Variants in EPHA6 observed in about 807,000 individuals in gnomAD.
EPHA6 encodes ephrin type-A receptor 6.
EPHA6 carries 50 observed loss-of-function variants against 112.0 expected under a neutral mutation model. The observed-to-expected ratio is 0.45, with a 90% confidence interval of 0.36 to 0.56. EPHA6 has a LOEUF of 0.56. EPHA6 is among the 20% of genes least tolerant of loss of function. The pLI is 0.00. For missense variants in EPHA6, 1,280 were observed against 1,417.4 expected (o/e 0.90, Z 1.56); for synonymous variants, 529 against 490.7 (o/e 1.08, Z -1.03).
intron 6 of EPHA6, among the ~76,000 whole-genome samples, chr3:97,425,590 G>T (rs2089048756): frequency 6.6e-6 from 1 of 152,214 alleles, no homozygotes; most frequent in African/African-American, 2.4e-5. Context: ...CTGGGCCTGT[G>T]ATGAGAGGGA....
intron 1 of EPHA6, among the ~76,000 whole-genome samples, chr3:96,828,937 A>C (rs557986127): frequency 6.6e-6 from 1 of 152,288 alleles, no homozygotes; most frequent in African/African-American, 2.4e-5. Context: ...ATACTTGCAG[A>C]TCTAGAGATA....
intron 3 of EPHA6, among the ~76,000 whole-genome samples, chr3:96,999,019 A>G (rs1388634592): frequency 1.3e-5 from 2 of 151,852 alleles, no homozygotes; most frequent in Non-Finnish European, 2.9e-5. Context: ...ACTTTGTTAC[A>G]TAATTCTCTT....
In EPHA6 at chr3:97,429,266, GA is replaced by G. The variant is rs772106553; in HGVS notation, c.1732-19298del. Among the ~76,000 whole-genome samples, 156 of 152,092 alleles carry G rather than the reference GA, an allele frequency of 1.0e-3. 1 individual carries two copies. Among genetic ancestry groups the G allele is most frequent in the Non-Finnish European group, 1.7e-3 (113 of 68,008 alleles). On this transcript the variant is annotated intron_variant, in intron 6 of 17. Transcript: ENST00000389672. ...TAGTTCATCCATACTTTTATAGTAG[GA>G]AAATATCATTTTTAAATTATGCATG...
chr3:96,969,593 T>A (rs1474355480), intron 2 of EPHA6, among the ~76,000 whole-genome samples: 1 of 151,992 alleles, frequency 6.6e-6, no homozygotes, highest in Non-Finnish European at 1.5e-5. Context: ...ATAAGGTATG[T>A]ACAGAATCAT....
intron 2 of EPHA6, among the ~76,000 whole-genome samples, chr3:96,955,283 G>A (rs2041713438): frequency 6.6e-6 from 1 of 152,006 alleles, no homozygotes; most frequent in African/African-American, 2.4e-5. Context: ...TACATTAATG[G>A]TGTTTTTTGT....
rs1414129538 is a variant in EPHA6 at position 97,188,679 on chromosome 3, T to C, written c.1115-37585T>C. On this transcript the variant is annotated intron_variant, in intron 3 of 17. Coordinates refer to ENST00000389672, the MANE Select transcript of EPHA6 (RefSeq NM_001080448.3). ...AAAGAATAAGTTATATAAGTAATGG[T>C]AAATTTGTACTATAAATTTAATCTA... Among the ~76,000 whole-genome samples the C allele has an allele frequency of 2.0e-5, 3 of 151,978 alleles. No homozygotes were observed. In the East Asian group the frequency reaches 5.8e-4, roughly 29 times the overall value.
At chr3:96,885,171 C>T (rs770574933) in intron 2 of EPHA6, among the ~76,000 whole-genome samples, 18 of 151,968 alleles carry the variant, frequency 1.2e-4, no homozygotes, top group Admixed American at 4.6e-4. Flanking sequence ...TCAAGGATAT[C>T]GGTCTGTAGT....
intron 11 of EPHA6, among the ~76,000 whole-genome samples, chr3:97,580,350 A>G (rs2093425941): frequency 6.6e-6 from 1 of 152,230 alleles, no homozygotes; most frequent in South Asian, 2.1e-4. Context: ...AAATTAAATT[A>G]AAAGCATGTA....
chr3:97,674,604 C>T (rs1190385390), intron 14 of EPHA6, among the ~76,000 whole-genome samples: 3 of 152,170 alleles, frequency 2.0e-5, no homozygotes, highest in Non-Finnish European at 4.4e-5. Flanking sequence ...AATTCAATTA[C>T]TGAGTTTGAA....
At chr3:97,283,151 C>G (rs1327332356) in intron 5 of EPHA6, among the ~76,000 whole-genome samples, 15 of 152,090 alleles carry the variant, frequency 9.9e-5, no homozygotes, top group Admixed American at 9.8e-4. Context: ...GCATTATTCT[C>G]TCTTATTGAC....
chr3:97,386,866 G>A (rs2086099341), intron 5 of EPHA6, among the ~76,000 whole-genome samples: 1 of 152,242 alleles, frequency 6.6e-6, no homozygotes, highest in African/African-American at 2.4e-5. Context: ...AATCTAGGCA[G>A]AAGCTCTCTA....
At chr3:97,069,897 A>C (rs181735627) in intron 3 of EPHA6, among the ~76,000 whole-genome samples, 1 of 152,102 alleles carries the variant, frequency 6.6e-6, no homozygotes, top group African/African-American at 2.4e-5. Flanking sequence ...TACATTTTCT[A>C]TATATATTAA....
At chr3:97,303,707 A>G (rs1007354609) in intron 5 of EPHA6, among the ~76,000 whole-genome samples, 1 of 152,026 alleles carries the variant, frequency 6.6e-6, no homozygotes, top group African/African-American at 2.4e-5. Flanking sequence ...TTATTGAGTG[A>G]AAGATGAGTT....
chr3:96,859,144 CAG>C (rs1164818257), intron 1 of EPHA6, among the ~76,000 whole-genome samples: 2 of 149,818 alleles, frequency 1.3e-5, no homozygotes, highest in Non-Finnish European at 3.0e-5. Flanking sequence ...TTTTCTTCAA[CAG>C]ATACCCACAA....
chr3:97,351,278 A>G (rs1002355896), intron 5 of EPHA6, among the ~76,000 whole-genome samples: 4 of 152,204 alleles, frequency 2.6e-5, no homozygotes, highest in Non-Finnish European at 5.9e-5. Flanking sequence ...ACCATGGCCA[A>G]CCTTCAACTC....
chr3:97,570,281 A>T (rs1307953733), intron 11 of EPHA6, among the ~76,000 whole-genome samples: 1 of 152,192 alleles, frequency 6.6e-6, no homozygotes, highest in Non-Finnish European at 1.5e-5. Flanking sequence ...TGGAAATTGG[A>T]ACAGGCTAGA....
chr3:97,244,138 A>G lies in EPHA6; in HGVS notation c.1457A>G (p.His486Arg), dbSNP rs755394695. The G allele has an allele frequency of 2.9e-5, 47 of 1,613,062 alleles. No homozygotes were observed. Among genetic ancestry groups the G allele is most frequent in the Non-Finnish European group, 4.0e-5 (47 of 1,179,330 alleles). Residue 486 changes from histidine to arginine, a missense_variant, in exon 5 of 18, where the codon CAT (histidine) becomes CGT (arginine). By Grantham distance (29) the His-to-Arg change is conservative. This residue lies in a region of EPHA6 where 878 missense variants were observed against 999.7 expected (regional missense o/e 0.88). Transcript: ENST00000389672. ...GGAGGACTCCGCTTCATCCCAAGAC[A>G]TACAGGCCTGATCAACAATTCCGTG... ...CGGGLRFIPRHTGLINNSVIV... is the reference protein window; with the variant it reads ...CGGGLRFIPRRTGLINNSVIV...
chr3:96,821,575 A>G (rs1463065804), intron 1 of EPHA6, among the ~76,000 whole-genome samples: 1 of 151,834 alleles, frequency 6.6e-6, no homozygotes, highest in African/African-American at 2.4e-5. Flanking sequence ...GTTCAAAGAG[A>G]ACTTTTTTCT....
intron 2 of EPHA6, among the ~76,000 whole-genome samples, chr3:96,870,659 G>T (rs1217674419): frequency 1.3e-5 from 2 of 151,988 alleles, no homozygotes; most frequent in Admixed American, 1.3e-4. Context: ...TCATTCATGT[G>T]TAAATAAAAG....
Sources: allele counts gnomAD v4.1 joint callset (sites outside exome capture counted in the v4.1 genomes callset), GRCh38; gene constraint gnomAD v4.1.1; regional missense constraint gnomAD v4.1.1; transcripts MANE v1.5; gene names NCBI Gene and HGNC (gene_info 2026-07-23, HGNC 2026-07-21).